The following QPRT variants were observed in gnomAD, a reference collection of about 807,000 sequenced individuals.
QPRT encodes quinolinate phosphoribosyltransferase.
A neutral mutation model predicts 19.8 loss-of-function variants in QPRT; 17 were observed. The ratio of observed to expected loss-of-function variants is 0.86; its 90% CI spans 0.59 to 1.29. The LOEUF (loss-of-function observed/expected upper bound fraction) is 1.29, where lower values mean the gene tolerates loss of function less well. QPRT is among the 50% of genes most tolerant of loss of function. QPRT has a pLI of 0.00. For synonymous variants in QPRT, 178 were observed against 191.0 expected (o/e 0.93, Z 0.56); for missense variants, 336 against 405.1 (o/e 0.83, Z 1.46).
At chr16:29,681,281 C>T (rs965343133) in intron 1 of QPRT, among the ~76,000 whole-genome samples, 3 of 151,964 alleles carry the variant, frequency 2.0e-5, no homozygotes, top group Non-Finnish European at 4.4e-5. Context: ...ACTGGTCTCA[C>T]GGGGTTGTAA....
chr16:29,684,895 G>T (rs1403509446), intron 1 of QPRT, among the ~76,000 whole-genome samples: 2 of 152,176 alleles, frequency 1.3e-5, no homozygotes, highest in African/African-American at 4.8e-5. Flanking sequence ...AAGGGGAACA[G>T]GGGTGCCCGC....
At chr16:29,690,049 T>C (rs1461637083) in intron 1 of QPRT, among the ~76,000 whole-genome samples, 2 of 152,166 alleles carry the variant, frequency 1.3e-5, no homozygotes, top group Non-Finnish European at 2.9e-5. Context: ...TCCAATAGGC[T>C]CCAGTATGTG....
In QPRT at chr16:29,697,019, G is replaced by T. The variant is rs745718849; in HGVS notation, c.573G>T (p.Ala191=). ...VEKAVRAARQ[A]ADFTLKVEVE... ...AGGCGGTGCGGGCGGCCAGACAGGC[G>T]GCTGACTTCACTCTGAAGGTGGAAG... Residue 191 remains alanine (A), a synonymous_variant, in exon 3 of 4, where the codon GCG becomes GCT. Transcript: ENST00000395384. The surrounding 1 kb of genome is among the most constrained non-coding windows in gnomAD (Gnocchi z 4.4). 1.9e-6 allele frequency: 3 copies of T among 1,608,602 alleles called. No homozygotes were observed. The highest frequency in any genetic ancestry group is 2.5e-6 in the Non-Finnish European group (3 of 1,178,550).
intron 1 of QPRT, among the ~76,000 whole-genome samples, 160 bp from the exon 2 acceptor site, chr16:29,694,504 C>T (rs1338927573): frequency 1.3e-5 from 2 of 152,042 alleles, no homozygotes; most frequent in African/African-American, 2.4e-5. Context: ...CTCCCTTCCC[C>T]CCACGCCCCC....
intron 1 of QPRT, among the ~76,000 whole-genome samples, chr16:29,691,976 C>T (rs371707666): frequency 1.3e-4 from 20 of 152,352 alleles, no homozygotes; most frequent in African/African-American, 4.6e-4. Context: ...CTGGCCTTCA[C>T]TTCCACTTGG....
intron 2 of QPRT, 146 bp downstream of exon 2, chr16:29,695,345 C>A: frequency 1.0e-6 from 1 of 979,778 alleles, no homozygotes; most frequent in Non-Finnish European, 1.5e-6. Context: ...TCAGCTCCTC[C>A]ATCTGAGCTG....
intron 1 of QPRT, among the ~76,000 whole-genome samples, chr16:29,680,247 T>C (rs1044614577): frequency 1.3e-5 from 2 of 152,112 alleles, no homozygotes; most frequent in African/African-American, 2.4e-5. Flanking sequence ...TTAGCCACCG[T>C]GCCCGGCCAA....
rs1187358051 is a variant in QPRT at position 29,695,333 on chromosome 16, C to T, written c.549+134C>T. The T allele has an allele frequency of 1.2e-5, 12 of 1,023,944 alleles. No homozygotes were observed. In the African/African-American group the frequency reaches 1.3e-4, roughly 11 times the overall value. The allele number at this position is 1,023,944 out of a possible 1,614,324, so 63.4% of individuals were successfully genotyped here. ...AGTCAGCAACACAAGACTCTTCCCA[C>T]CTCAGCTCCTCCATCTGAGCTGGGC... On this transcript the variant is annotated intron_variant, in intron 2 of 3. Coordinates refer to ENST00000395384, the MANE Select transcript of QPRT (RefSeq NM_014298.6).
At chr16:29,685,579 G>T (rs190778433) in intron 1 of QPRT, among the ~76,000 whole-genome samples, 1 of 152,122 alleles carries the variant, frequency 6.6e-6, no homozygotes, top group African/African-American at 2.4e-5. Flanking sequence ...GACAGCCACC[G>T]CGCCCAGCCT....
At chr16:29,692,410 C>G (rs1430275511) in intron 1 of QPRT, among the ~76,000 whole-genome samples, 1 of 151,936 alleles carries the variant, frequency 6.6e-6, no homozygotes, top group East Asian at 1.9e-4. Flanking sequence ...GAAACCCCGT[C>G]TCTACTAAAA....
chr16:29,694,586 G>C, intron 1 of QPRT, 78 bp from the exon 2 acceptor site: 1 of 1,443,856 alleles, frequency 6.9e-7, no homozygotes, highest in Non-Finnish European at 9.2e-7. Flanking sequence ...AGTTTCACTG[G>C]TTGTTAAATA....
intron 1 of QPRT, among the ~76,000 whole-genome samples, chr16:29,686,176 A>C (rs1181837831): frequency 6.6e-6 from 1 of 152,144 alleles, no homozygotes; most frequent in African/African-American, 2.4e-5. Context: ...ATGAAATTTT[A>C]TGATGGCTTC....
At chr16:29,692,538 G>A (rs1229677909) in intron 1 of QPRT, among the ~76,000 whole-genome samples, 1 of 148,888 alleles carries the variant, frequency 6.7e-6, no homozygotes, top group Admixed American at 6.7e-5. Context: ...CCGAGATCGC[G>A]CCACTGCAAC....
intron 1 of QPRT, among the ~76,000 whole-genome samples, chr16:29,691,520 C>T (rs1306555572): frequency 6.6e-6 from 1 of 151,680 alleles, no homozygotes; most frequent in Non-Finnish European, 1.5e-5. Context: ...ATCTCTACAA[C>T]AAAAAATATA....
intron 1 of QPRT, among the ~76,000 whole-genome samples, chr16:29,692,468 C>G (rs1394285365): frequency 1.3e-5 from 2 of 151,554 alleles, no homozygotes; most frequent in African/African-American, 4.9e-5. Flanking sequence ...GTAGTCCCAG[C>G]TACTCGGGAG....
rs1967491282 is a variant in QPRT at position 29,695,186 on chromosome 16, G to C, written c.536G>C (p.Gly179Ala). 6.5e-7 allele frequency: 1 copy of C among 1,548,810 alleles called. No individual in the cohort carries two copies. ...MVKDNHVVAA[G>A]GVEKAVRAAR... ...AAGGATAACCATGTGGTGGCCGCCG[G>C]TGGCGTGGAGAAGGTGCTGGTCCTG... is the stretch of plus-strand genomic sequence containing the variant. Residue 179 changes from glycine (G) to alanine (A), a missense_variant, in exon 2 of 4, where the codon GGT becomes GCT. Transcript: ENST00000395384.
chr16:29,697,244 G>A lies in QPRT; in HGVS notation c.727G>A (p.Val243Met). Residue 243 changes from valine to methionine, a missense_variant, in exon 4 of 4, where the codon GTG becomes ATG. By Grantham distance (21) the Val-to-Met change is conservative (BLOSUM62 1). Transcript: ENST00000395384. This position sits in a 1 kb window ranked among gnomAD's most constrained non-coding sequence, Gnocchi z 4.4. ...CGTGCTGAAGGCCCAGTTCCCGAGTGTGGCTGTGGAAGCCAGTGGGGGCAT... is the reference window on the plus strand; with the variant it reads ...CGTGCTGAAGGCCCAGTTCCCGAGTATGGCTGTGGAAGCCAGTGGGGGCAT... ...ATVLKAQFPS[V>M]AVEASGGITL... The A allele has an allele frequency of 3.1e-6, 5 of 1,613,910 alleles. No individual in the cohort carries two copies. Among genetic ancestry groups the A allele is most frequent in the Non-Finnish European group, 4.2e-6 (5 of 1,179,906 alleles).
At chr16:29,682,896 C>T (rs1177354940) in intron 1 of QPRT, among the ~76,000 whole-genome samples, 1 of 151,946 alleles carries the variant, frequency 6.6e-6, no homozygotes, top group Non-Finnish European at 1.5e-5. Context: ...TTTTAAGAGT[C>T]TTTGAAACTT....
chr16:29,682,023 C>G (rs1157655250), intron 1 of QPRT, among the ~76,000 whole-genome samples: 1 of 151,612 alleles, frequency 6.6e-6, no homozygotes, highest in Non-Finnish European at 1.5e-5. Flanking sequence ...CCACCGCACC[C>G]GGCCTCTTTT....
Sources: gnomAD v4.1 joint callset for allele counts (sites outside exome capture counted in the v4.1 genomes callset) on GRCh38, gnomAD v4.1.1 for gene constraint, Gnocchi (gnomAD v3.1) non-coding constraint, MANE v1.5 for transcripts, NCBI Gene and HGNC (gene_info 2026-07-23, HGNC 2026-07-21) for gene names.